DPP10: variants seen among roughly 807,000 people sequenced by gnomAD.
The protein encoded by DPP10 is dipeptidyl peptidase like 10.
DPP10 carries 33 observed loss-of-function variants against 120.9 expected under a neutral mutation model. The observed-to-expected ratio is 0.27, with a 90% confidence interval of 0.21 to 0.37. The LOEUF (loss-of-function observed/expected upper bound fraction) is 0.37. DPP10 is among the 10% of genes least tolerant of loss of function. The pLI is 1.00. For missense variants in DPP10, 816 were observed against 942.8 expected, an observed-to-expected ratio of 0.87 and a Z score of 1.76; for synonymous variants, 337 against 326.1, an observed-to-expected ratio of 1.03 and a Z score of -0.36.
chr2:115,484,059 C>T (rs556480673), intron 3 of DPP10, among the ~76,000 whole-genome samples: 1 of 151,278 alleles, frequency 6.6e-6, no homozygotes, highest in Non-Finnish European at 1.5e-5. Context: ...CCCAGACAAA[C>T]AGCAAACTCT....
chr2:115,605,975 A>G (rs940178791), intron 5 of DPP10, among the ~76,000 whole-genome samples: 3 of 152,162 alleles, frequency 2.0e-5, no homozygotes, highest in Admixed American at 6.5e-5. Context: ...ATGTATCACT[A>G]GATGATATTG....
chr2:115,751,345 G>C (rs999782810), intron 10 of DPP10, among the ~76,000 whole-genome samples: 1 of 152,156 alleles, frequency 6.6e-6, no homozygotes, highest in Non-Finnish European at 1.5e-5. Flanking sequence ...AAAGTGAACA[G>C]GACACTGTTC....
intron 3 of DPP10, among the ~76,000 whole-genome samples, chr2:115,384,360 C>T (rs1334380183): frequency 2.0e-5 from 3 of 150,616 alleles, no homozygotes; most frequent in African/African-American, 4.9e-5. Flanking sequence ...GATAACAGAG[C>T]AAGATCCTGT....
chr2:114,729,381 C>A (rs1332388394), intron 1 of DPP10, among the ~76,000 whole-genome samples: 1 of 152,178 alleles, frequency 6.6e-6, no homozygotes, highest in African/African-American at 2.4e-5. Flanking sequence ...CTCATATGCA[C>A]CCCTGAAACC....
At chr2:115,489,343 C>G (rs78153010) in intron 3 of DPP10, among the ~76,000 whole-genome samples, 6 of 151,774 alleles carry the variant, frequency 4.0e-5, no homozygotes, top group African/African-American at 1.5e-4. Context: ...AGGCCCCCAA[C>G]AGACCAAACA....
chr2:115,615,166 G>T lies in DPP10; in HGVS notation c.442-74521G>T, dbSNP rs534373685. ...CATTACAGAGGAAAAAAAAAAGCTT[G>T]ATTAGCTGAGTAACATCACTTTTTT... is the stretch of plus-strand genomic sequence containing the variant. On this transcript the variant is annotated intron_variant, in intron 5 of 25. Transcript: ENST00000410059. Among the ~76,000 whole-genome samples, 30 of 152,046 alleles carry T rather than the reference G, an allele frequency of 2.0e-4. No homozygotes were observed. The East Asian group carries it at 5.4e-3, about 27-fold the overall frequency.
chr2:115,537,882 A>G (rs2078954134), intron 5 of DPP10, among the ~76,000 whole-genome samples: 1 of 151,978 alleles, frequency 6.6e-6, no homozygotes. Context: ...AAAGTGGCTC[A>G]TTCACATGGC....
At chr2:114,547,269 A>G (rs1210617741) in intron 1 of DPP10, among the ~76,000 whole-genome samples, 3 of 152,140 alleles carry the variant, frequency 2.0e-5, no homozygotes, top group South Asian at 4.2e-4. Flanking sequence ...CCACCCCTCC[A>G]GGGAACCACT....
intron 1 of DPP10, among the ~76,000 whole-genome samples, chr2:115,145,629 T>A (rs1207018452): frequency 6.6e-6 from 1 of 152,222 alleles, no homozygotes; most frequent in Non-Finnish European, 1.5e-5. Flanking sequence ...CAGGTTTTTA[T>A]GTGGACATAC....
chr2:114,740,029 A>G (rs1677866936), intron 1 of DPP10, among the ~76,000 whole-genome samples: 1 of 152,038 alleles, frequency 6.6e-6, no homozygotes, highest in South Asian at 2.1e-4. Flanking sequence ...AGGACTATAA[A>G]TCATGCTGCT....
chr2:115,522,514 G>A lies in DPP10; in HGVS notation c.367-3384G>A, dbSNP rs577974754. 3.9e-5 allele frequency among the ~76,000 whole-genome samples: 6 copies of A among 152,238 alleles called. No individual in the cohort carries two copies. In the East Asian group the frequency reaches 5.8e-4, roughly 15 times the overall value. ...CACCACCAAATGTTCCCAAGCTGCC[G>A]GAAAACATACATTTGTTTCTCTACT... On this transcript the variant is annotated intron_variant, in intron 4 of 25. Coordinates refer to ENST00000410059, the MANE Select transcript of DPP10 (RefSeq NM_020868.6).
chr2:115,011,217 C>T (rs952678888), intron 1 of DPP10, among the ~76,000 whole-genome samples: 6 of 152,158 alleles, frequency 3.9e-5, no homozygotes, highest in African/African-American at 7.2e-5. Context: ...TCTTGGTAAA[C>T]GCTTTGGGTG....
intron 1 of DPP10, among the ~76,000 whole-genome samples, chr2:114,494,517 G>A (rs375402664): frequency 1.3e-4 from 20 of 152,274 alleles, no homozygotes; most frequent in East Asian, 1.2e-3. Flanking sequence ...GAAGATAATC[G>A]TGTCACTTTC....
At chr2:114,699,213 C>T (rs963858454) in intron 1 of DPP10, among the ~76,000 whole-genome samples, 3 of 151,998 alleles carry the variant, frequency 2.0e-5, no homozygotes, top group South Asian at 2.1e-4. Flanking sequence ...CTTGGAGGTA[C>T]CATGAAGGCA....
chr2:115,660,690 ATTTTC>A (rs1427480946), intron 5 of DPP10, among the ~76,000 whole-genome samples: 1 of 38,528 alleles, frequency 2.6e-5, no homozygotes, highest in Non-Finnish European at 5.5e-5. Flanking sequence ...GCTAATTTTT[ATTTTC>A]TTAATTGCAT....
At chr2:115,499,781 T>A (rs2076589958) in intron 4 of DPP10, among the ~76,000 whole-genome samples, 177 bp downstream of exon 4, 1 of 152,022 alleles carries the variant, frequency 6.6e-6, no homozygotes, top group African/African-American at 2.4e-5. Flanking sequence ...CCTGTGACTA[T>A]CTGCTTCATT....
intron 21 of DPP10, among the ~76,000 whole-genome samples, chr2:115,823,393 A>T (rs1688001790): frequency 6.6e-6 from 1 of 152,106 alleles, no homozygotes; most frequent in Non-Finnish European, 1.5e-5. Context: ...AATCTCTTTT[A>T]TGCAGCATGG....
chr2:115,647,370 A>G (rs956863911), intron 5 of DPP10, among the ~76,000 whole-genome samples: 1 of 152,144 alleles, frequency 6.6e-6, no homozygotes, highest in African/African-American at 2.4e-5. Flanking sequence ...TACGATGATT[A>G]TACTCATTCA....
intron 1 of DPP10, among the ~76,000 whole-genome samples, chr2:114,579,822 G>A (rs1690350710): frequency 6.8e-6 from 1 of 146,366 alleles, no homozygotes; most frequent in East Asian, 1.9e-4. Flanking sequence ...TCATAAAAAT[G>A]CCTTTTTTTT....
Sources: gnomAD v4.1 joint callset for allele counts (sites outside exome capture counted in the v4.1 genomes callset) on GRCh38, gnomAD v4.1.1 for gene constraint, MANE v1.5 for transcripts, NCBI Gene and HGNC (gene_info 2026-07-23, HGNC 2026-07-21) for gene names.